Variants in DZIP3 observed in about 807,000 individuals in gnomAD.
The protein encoded by DZIP3 is E3 ubiquitin-protein ligase DZIP3.
DZIP3 carries 118 observed loss-of-function variants against 162.0 expected under a neutral mutation model. The ratio of observed to expected loss-of-function variants is 0.73; its 90% CI spans 0.63 to 0.85. The LOEUF (loss-of-function observed/expected upper bound fraction) is 0.85. Among genes scored for constraint, DZIP3 ranks in the 40% least tolerant of loss-of-function variants. The pLI, the probability that DZIP3 is intolerant of heterozygous loss-of-function variation, is 0.00. For missense variants in DZIP3, 1,331 were observed against 1,407.0 expected (o/e 0.95, Z 0.86); for synonymous variants, 438 against 458.6 (o/e 0.96, Z 0.57).
At chr3:108,678,756 G>A (rs745547482) in intron 26 of DZIP3, among the ~76,000 whole-genome samples, 1 of 152,006 alleles carries the variant, frequency 6.6e-6, no homozygotes, top group Admixed American at 6.6e-5. Flanking sequence ...GAGGAAAAGT[G>A]TAAGTTATGT....
intron 9 of DZIP3, among the ~76,000 whole-genome samples, chr3:108,634,411 T>G (rs1006564686): frequency 2.0e-5 from 3 of 152,156 alleles, no homozygotes; most frequent in Admixed American, 2.0e-4. Context: ...AGACAAGCAA[T>G]CTATACCCTC....
rs372539840 is a variant in DZIP3, at chr3:108,688,792, C to A, written c.3415-31C>A. The stretch of plus-strand genomic sequence containing the variant: ...TTTAGATTTGGGAGAAAACAATGAG[C>A]TAAATTTAACATTTTCTGTATTTTC... On this transcript the variant is annotated intron_variant, in intron 30 of 32. Transcript: ENST00000361582. 1,505 of 1,613,874 alleles carry A rather than the reference C, an allele frequency of 9.3e-4. 4 individuals are homozygous for A. Among genetic ancestry groups the A allele is most frequent in the South Asian group, 4.9e-3 (448 of 91,048 alleles).
At chr3:108,591,196 A>G (rs1939393359) in intron 1 of DZIP3, among the ~76,000 whole-genome samples, 1 of 152,244 alleles carries the variant, frequency 6.6e-6, no homozygotes, top group African/African-American at 2.4e-5. Context: ...GGGATACTGT[A>G]TGCCAGAAAC....
At chr3:108,672,933 G>A (rs1943976644) in intron 23 of DZIP3, among the ~76,000 whole-genome samples, 1 of 151,760 alleles carries the variant, frequency 6.6e-6, no homozygotes, top group South Asian at 2.1e-4. Context: ...GACATCTTGG[G>A]GAAATTCTCA....
chr3:108,688,462 TC>T, intron 29 of DZIP3, 130 bp from the exon 30 acceptor site: 8 of 1,052,370 alleles, frequency 7.6e-6, no homozygotes, highest in Non-Finnish European at 1.1e-5. Flanking sequence ...ACCATTTTGT[TC>T]AAGATTTCTC....
chr3:108,594,387 ATCTC>A (rs1406387929), intron 1 of DZIP3, among the ~76,000 whole-genome samples: 2 of 143,194 alleles, frequency 1.4e-5, no homozygotes, highest in Non-Finnish European at 3.1e-5. Context: ...GTCTTAGGAC[ATCTC>A]TCTCTCTCTC....
intron 21 of DZIP3, among the ~76,000 whole-genome samples, chr3:108,662,922 A>G (rs746834275): frequency 6.6e-6 from 1 of 152,222 alleles, no homozygotes; most frequent in Non-Finnish European, 1.5e-5. Context: ...GACACCAGCC[A>G]TCCAAGAAGT....
intron 1 of DZIP3, among the ~76,000 whole-genome samples, chr3:108,590,724 G>T (rs976539780): frequency 6.6e-6 from 1 of 152,210 alleles, no homozygotes; most frequent in Non-Finnish European, 1.5e-5. Context: ...AAAGAGTAGA[G>T]AGCCAGGTTG....
chr3:108,641,755 T>C (rs931440528), intron 12 of DZIP3, among the ~76,000 whole-genome samples: 3 of 152,216 alleles, frequency 2.0e-5, no homozygotes, highest in African/African-American at 7.2e-5. Context: ...AACAGTGTTA[T>C]AGTGGTACTG....
intron 10 of DZIP3, 21 bp from the exon 11 acceptor site, chr3:108,636,595 T>G (rs780783983): frequency 6.8e-7 from 1 of 1,471,880 alleles, no homozygotes; most frequent in Non-Finnish European, 9.1e-7. Flanking sequence ...TATTTTTATT[T>G]TTTTCTATTA....
chr3:108,684,227 C>A lies in DZIP3; in HGVS notation c.2895C>A (p.Phe965Leu). 1 of 1,609,066 alleles carries A rather than the reference C, an allele frequency of 6.2e-7. No individual in the cohort carries two copies. The highest frequency in any genetic ancestry group is 1.1e-5 in the South Asian group (1 of 90,392). ...ATTTTCTATTTTAGATGCAGCAGTT[C>A]TTAGGAAGACCTCTTGTGAAAGAAT... ...PPSPEILMQQ[F>L]LGRPLVKESF... The change falls in exon 27 of 33, where the codon TTC (phenylalanine) becomes TTA (leucine). Residue 965 changes from phenylalanine (F) to leucine (L), a missense_variant. Physicochemically the swap from Phe to Leu is conservative, Grantham distance 22 (BLOSUM62 0). This residue lies in a region of DZIP3 where 1,278 missense variants were observed against 1,317.1 expected (regional missense o/e 0.97). Coordinates refer to ENST00000361582, the MANE Select transcript of DZIP3 (RefSeq NM_014648.4).
At chr3:108,602,038 C>T (rs556375187) in intron 1 of DZIP3, among the ~76,000 whole-genome samples, 3 of 152,144 alleles carry the variant, frequency 2.0e-5, no homozygotes, top group Non-Finnish European at 4.4e-5. Context: ...CAGTGATTAT[C>T]TTTCCAGGCG....
At chr3:108,611,606 T>G (rs1940710556) in intron 4 of DZIP3, among the ~76,000 whole-genome samples, 1 of 152,174 alleles carries the variant, frequency 6.6e-6, no homozygotes, top group African/African-American at 2.4e-5. Flanking sequence ...ATTCCAGTCC[T>G]GCTAATAACC....
chr3:108,645,226 G>T (rs2107647218), intron 14 of DZIP3, among the ~76,000 whole-genome samples: 1 of 152,254 alleles, frequency 6.6e-6, no homozygotes, highest in South Asian at 2.1e-4. Flanking sequence ...GAAAGAAATT[G>T]TTGAAGACTT....
intron 19 of DZIP3, among the ~76,000 whole-genome samples, chr3:108,655,943 G>T (rs1943094738): frequency 6.6e-6 from 1 of 152,230 alleles, no homozygotes; most frequent in African/African-American, 2.4e-5. Flanking sequence ...AGCGAGGCTA[G>T]GGGAGGGGCG....
intron 4 of DZIP3, among the ~76,000 whole-genome samples, chr3:108,611,948 A>G (rs956781641): frequency 1.4e-5 from 2 of 140,200 alleles, no homozygotes; most frequent in Non-Finnish European, 3.1e-5. Context: ...TGGGAGACAG[A>G]GCAACACTCT....
intron 12 of DZIP3, among the ~76,000 whole-genome samples, chr3:108,639,156 T>C (rs1942280060): frequency 6.6e-6 from 1 of 152,234 alleles, no homozygotes. Flanking sequence ...TTTCCTCTAT[T>C]TCTATCAAAA....
intron 5 of DZIP3, among the ~76,000 whole-genome samples, chr3:108,618,889 C>T (rs1333884234): frequency 4.6e-5 from 7 of 151,374 alleles, no homozygotes; most frequent in African/African-American, 1.5e-4. Context: ...GGTGAAACCC[C>T]GTGTGTACCA....
rs534998921 is a variant in DZIP3, at chr3:108,682,489, G to A, written c.2884-1727G>A. ...GACAACATGGATGACCCTGGAGGAC[G>A]TTATGTTAAGTTAAATAAGCCAGAC... is the stretch of plus-strand genomic sequence containing the variant. On this transcript the variant is annotated intron_variant, in intron 26 of 32. Coordinates refer to ENST00000361582, the MANE Select transcript of DZIP3 (RefSeq NM_014648.4). Among the ~76,000 whole-genome samples, 9 of 150,850 alleles carry A rather than the reference G, an allele frequency of 6.0e-5. No homozygotes were observed. In the South Asian group the frequency reaches 1.0e-3, roughly 17 times the overall value.
Sources: gnomAD v4.1 joint callset for allele counts (sites outside exome capture counted in the v4.1 genomes callset) on GRCh38, gnomAD v4.1.1 for gene constraint, gnomAD v4.1.1 regional missense constraint, MANE v1.5 for transcripts, NCBI Gene and HGNC (gene_info 2026-07-23, HGNC 2026-07-21) for gene names.